The following ASB3 variants were observed in gnomAD, a reference collection of about 807,000 sequenced individuals.
ASB3 encodes the protein ankyrin repeat and SOCS box protein 3.
A neutral mutation model predicts 54.5 loss-of-function variants in ASB3; 41 were observed. That is an observed-to-expected ratio of 0.75 (90% CI 0.59 to 0.98). The LOEUF (loss-of-function observed/expected upper bound fraction) is 0.98, where lower values mean the gene tolerates loss of function less well. Ranked by LOEUF, ASB3 falls within the 50% of genes least tolerant of loss-of-function variation. The pLI is 0.00. For synonymous variants in ASB3, 266 were observed against 221.2 expected (o/e 1.20, Z -1.80); for missense variants, 733 against 620.0 (o/e 1.18, Z -1.94).
chr2:53,698,319 A>G (rs1436151709), intron 8 of ASB3, among the ~76,000 whole-genome samples: 1 of 152,126 alleles, frequency 6.6e-6, no homozygotes, highest in African/African-American at 2.4e-5. Flanking sequence ...GATATCTTCT[A>G]TTTGTACAAA....
At chr2:53,753,788 C>T (rs1672664339) in intron 2 of ASB3, among the ~76,000 whole-genome samples, 1 of 151,714 alleles carries the variant, frequency 6.6e-6, no homozygotes, top group Admixed American at 6.6e-5. Context: ...AGGCGCACCA[C>T]CACACCTGGG....
At chr2:53,738,414 T>A (rs1484415182) in intron 3 of ASB3, among the ~76,000 whole-genome samples, 1 of 152,192 alleles carries the variant, frequency 6.6e-6, no homozygotes, top group Non-Finnish European at 1.5e-5. Context: ...GAAGCTTCAT[T>A]TGGCTGTTTA....
At chr2:53,776,884 C>A (rs1354514433) in intron 1 of ASB3, among the ~76,000 whole-genome samples, 1 of 152,094 alleles carries the variant, frequency 6.6e-6, no homozygotes, top group African/African-American at 2.4e-5. Context: ...ATTTTGTAAT[C>A]CTGTGGCTAC....
intron 5 of ASB3, among the ~76,000 whole-genome samples, chr2:53,718,224 A>G (rs1217996205): frequency 7.2e-5 from 11 of 152,192 alleles, no homozygotes; most frequent in Admixed American, 7.2e-4. Flanking sequence ...CATGGCATAC[A>G]GTCACCAGAC....
intron 3 of ASB3, among the ~76,000 whole-genome samples, chr2:53,742,708 C>T (rs1193552843): frequency 1.3e-5 from 2 of 149,510 alleles, no homozygotes; most frequent in African/African-American, 2.5e-5. Flanking sequence ...ACAGAATAGA[C>T]ATTTCTGAAG....
intron 3 of ASB3, among the ~76,000 whole-genome samples, chr2:53,736,558 G>C (rs775976560): frequency 7.9e-5 from 12 of 152,064 alleles, no homozygotes; most frequent in Non-Finnish European, 1.5e-4. Context: ...TATTAGCCAG[G>C]CATGTTGGCG....
At chr2:53,764,245 G>A (rs1417489112) in intron 2 of ASB3, among the ~76,000 whole-genome samples, 3 of 152,116 alleles carry the variant, frequency 2.0e-5, no homozygotes, top group Non-Finnish European at 4.4e-5. Flanking sequence ...GGTTCTGAGT[G>A]TTACAATGCA....
chr2:53,744,503 T>C (rs79824856), intron 3 of ASB3, among the ~76,000 whole-genome samples: 12,303 of 152,050 alleles, frequency 0.081, 659 homozygotes, highest in Non-Finnish European at 0.12. Flanking sequence ...ATTAACACTT[T>C]TTAAATGTAA....
intron 7 of ASB3, among the ~76,000 whole-genome samples, chr2:53,713,724 G>A (rs1054507002): frequency 6.6e-6 from 1 of 152,054 alleles, no homozygotes; most frequent in African/African-American, 2.4e-5. Flanking sequence ...ACCAGCCTGG[G>A]CAACATGGAG....
At chr2:53,700,189 A>C in intron 8 of ASB3, 82 bp downstream of exon 8, 1 of 1,532,572 alleles carries the variant, frequency 6.5e-7, no homozygotes, top group South Asian at 1.3e-5. Context: ...CCTTCTCCAA[A>C]CACTGGGATC....
At chr2:53,697,755 A>G (rs1259194756) in intron 8 of ASB3, among the ~76,000 whole-genome samples, 1 of 152,218 alleles carries the variant, frequency 6.6e-6, no homozygotes, top group East Asian at 1.9e-4. Flanking sequence ...TTGAGACTCC[A>G]AGATAATCTT....
rs17045203 is a variant in ASB3 at position 53,767,683 on chromosome 2, C to G, written c.-13-2098G>C. Reference sequence around the variant, plus strand: ...ACCGAAGGTCAATGCCTCTTGACACCCTAATCAAGGAAATAAAATAAAGCT... The same window carrying G: ...ACCGAAGGTCAATGCCTCTTGACACGCTAATCAAGGAAATAAAATAAAGCT... On this transcript the variant is annotated intron_variant, in intron 1 of 9. Transcript: ENST00000263634. 5 of 613,586 alleles carry G rather than the reference C, an allele frequency of 8.1e-6. No individual in the cohort carries two copies. In the Admixed American group the frequency reaches 1.2e-4, roughly 15 times the overall value. 38.0% of individuals were successfully genotyped at this position (613,586 alleles called of 1,614,324 possible).
At chr2:53,735,197 C>T (rs1435013116) in intron 3 of ASB3, among the ~76,000 whole-genome samples, 1 of 151,970 alleles carries the variant, frequency 6.6e-6, no homozygotes, top group Non-Finnish European at 1.5e-5. Context: ...TGGGATTACA[C>T]ACATGAGCCA....
At chr2:53,671,609 A>T (rs1004030777) in intron 9 of ASB3, among the ~76,000 whole-genome samples, 1 of 152,106 alleles carries the variant, frequency 6.6e-6, no homozygotes, top group Non-Finnish European at 1.5e-5. Flanking sequence ...AAAATACAAA[A>T]TTAGCTTGGC....
chr2:53,699,162 C>T (rs1572864333), intron 8 of ASB3, among the ~76,000 whole-genome samples: 1 of 152,198 alleles, frequency 6.6e-6, no homozygotes, highest in Non-Finnish European at 1.5e-5. Context: ...AGAACAAAAG[C>T]ATATCAGCTC....
chr2:53,734,465 C>T (rs1378415620), intron 3 of ASB3, among the ~76,000 whole-genome samples: 1 of 152,208 alleles, frequency 6.6e-6, no homozygotes, highest in Non-Finnish European at 1.5e-5. Context: ...CATTTTCCCA[C>T]AAATCACTCA....
At chr2:53,737,499 T>A (rs1464366617) in intron 3 of ASB3, among the ~76,000 whole-genome samples, 1 of 152,160 alleles carries the variant, frequency 6.6e-6, no homozygotes, top group South Asian at 2.1e-4. Context: ...ATGTACAAGG[T>A]AAGGCAAATA....
chr2:53,737,787 G>T (rs145684826), intron 3 of ASB3, among the ~76,000 whole-genome samples: 1 of 148,166 alleles, frequency 6.7e-6, no homozygotes, highest in South Asian at 2.1e-4. Context: ...CGAAAATTTC[G>T]AGAACACTTT....
intron 2 of ASB3, among the ~76,000 whole-genome samples, chr2:53,761,677 A>G (rs894361588): frequency 1.3e-5 from 2 of 152,202 alleles, no homozygotes; most frequent in Admixed American, 1.3e-4. Flanking sequence ...TCTTACAGAG[A>G]GCATATGATG....
Sources: allele counts gnomAD v4.1 joint callset (sites outside exome capture counted in the v4.1 genomes callset), GRCh38; gene constraint gnomAD v4.1.1; transcripts MANE v1.5; gene names NCBI Gene and HGNC (gene_info 2026-07-23, HGNC 2026-07-21).